CSNK2A2IP: variants seen among roughly 807,000 people sequenced by gnomAD.
The protein encoded by CSNK2A2IP is casein kinase II subunit alpha'-interacting protein.
chr3:88,453,059 T>A, the CSNK2A2IP span, among the ~76,000 whole-genome samples: 2 of 152,082 alleles, frequency 1.3e-5, no homozygotes, highest in South Asian at 2.1e-4. Context: ...AGGCAGAAAT[T>A]TCGGGTACTT....
At chr3:88,462,917 C>T in the CSNK2A2IP span, among the ~76,000 whole-genome samples, 1 of 152,066 alleles carries the variant, frequency 6.6e-6, no homozygotes, top group Non-Finnish European at 1.5e-5. Flanking sequence ...TGATATGTAA[C>T]TAATATTGTT....
chr3:88,373,739 A>G, the CSNK2A2IP span, among the ~76,000 whole-genome samples: 3 of 151,528 alleles, frequency 2.0e-5, no homozygotes, highest in Middle Eastern at 6.8e-3. Context: ...AAAAAACTTG[A>G]TAACTTGACA....
chr3:88,359,353 T>A, the CSNK2A2IP span, among the ~76,000 whole-genome samples: 1 of 151,878 alleles, frequency 6.6e-6, no homozygotes, highest in African/African-American at 2.4e-5. Flanking sequence ...TTTGTATTTT[T>A]TTGGTTTTGA....
chr3:88,467,210 C>T, the CSNK2A2IP span: 4 of 400,984 alleles, frequency 1.0e-5, no homozygotes, highest in Non-Finnish European at 1.8e-5. Context: ...TCCTCCACTT[C>T]CTCCTCCTCC....
the CSNK2A2IP span, among the ~76,000 whole-genome samples, chr3:88,464,338 A>G: frequency 2.7e-5 from 4 of 150,680 alleles, no homozygotes; most frequent in Non-Finnish European, 5.9e-5. Flanking sequence ...AAATATATCT[A>G]TATATATAAA....
chr3:88,370,610 C>CTCTCTTTCTTTCTT, the CSNK2A2IP span, among the ~76,000 whole-genome samples: 2 of 148,150 alleles, frequency 1.3e-5, no homozygotes, highest in East Asian at 4.1e-4. Flanking sequence ...CTCTCTCTCT[C>CTCTCTTTCTTTCTT]TCTTTCTTTC....
the CSNK2A2IP span, among the ~76,000 whole-genome samples, chr3:88,409,072 G>A: frequency 2.0e-5 from 3 of 151,964 alleles, 1 homozygote; most frequent in African/African-American, 4.8e-5. Context: ...GTATTTGCAC[G>A]AAAACTAGTG....
chr3:88,415,281 A>G, the CSNK2A2IP span, among the ~76,000 whole-genome samples: 2 of 152,062 alleles, frequency 1.3e-5, 1 homozygote, highest in African/African-American at 4.8e-5. Context: ...TTCCCAATGC[A>G]GAGTATTAAG....
chr3:88,360,961 ACAAG>A, the CSNK2A2IP span, among the ~76,000 whole-genome samples: 5 of 152,220 alleles, frequency 3.3e-5, no homozygotes, highest in Admixed American at 2.0e-4. Context: ...CAACAAAAAA[ACAAG>A]CAAAGAGAAA....
At chr3:88,357,150 T>C in the CSNK2A2IP span, among the ~76,000 whole-genome samples, 2 of 152,148 alleles carry the variant, frequency 1.3e-5, no homozygotes, top group African/African-American at 4.8e-5. Flanking sequence ...TTTATTTGCC[T>C]GTGTTTTTGA....
At chr3:88,412,975 T>C in the CSNK2A2IP span, among the ~76,000 whole-genome samples, 26 of 152,060 alleles carry the variant, frequency 1.7e-4, no homozygotes, top group Non-Finnish European at 3.4e-4. Flanking sequence ...CATGATATGG[T>C]GCAAGGGTTA....
the CSNK2A2IP span, among the ~76,000 whole-genome samples, chr3:88,406,548 T>C: frequency 6.6e-6 from 1 of 152,188 alleles, no homozygotes; most frequent in Non-Finnish European, 1.5e-5. Context: ...GATCAGATCT[T>C]AGGGAATGCT....
the CSNK2A2IP span, among the ~76,000 whole-genome samples, chr3:88,375,087 T>C: frequency 3.3e-5 from 5 of 151,740 alleles, no homozygotes; most frequent in African/African-American, 1.2e-4. Context: ...TAATTCTCTA[T>C]TCTAGTATTC....
chr3:88,442,762 TA>T, the CSNK2A2IP span, among the ~76,000 whole-genome samples: 2,099 of 149,300 alleles, frequency 0.014, 39 homozygotes, highest in African/African-American at 0.049. Flanking sequence ...TAATCTAGAT[TA>T]AAAAAAAAAT....
the CSNK2A2IP span, among the ~76,000 whole-genome samples, chr3:88,411,027 A>T: frequency 3.4e-3 from 519 of 152,072 alleles, 6 homozygotes; most frequent in African/African-American, 0.011. Flanking sequence ...TTAGCTTTTT[A>T]CCTTTAAATT....
chr3:88,366,327 A>G, the CSNK2A2IP span, among the ~76,000 whole-genome samples: 54 of 152,308 alleles, frequency 3.5e-4, no homozygotes. Flanking sequence ...CCACAGTTGT[A>G]TATGGGTATC....
At chr3:88,446,055 TTTCTTTC>T in the CSNK2A2IP span, among the ~76,000 whole-genome samples, 30 of 123,094 alleles carry the variant, frequency 2.4e-4, no homozygotes, top group African/African-American at 9.1e-4. Flanking sequence ...TCTTTCTTTC[TTTCTTTC>T]TTTCTTTCTT....
the CSNK2A2IP span, among the ~76,000 whole-genome samples, chr3:88,455,785 T>G: frequency 1.3e-5 from 2 of 151,976 alleles, no homozygotes; most frequent in African/African-American, 4.8e-5. Context: ...AAAACTAACA[T>G]CATGGAGATT....
chr3:88,418,463 T>TGTGTGC, the CSNK2A2IP span, among the ~76,000 whole-genome samples: 21 of 149,632 alleles, frequency 1.4e-4, no homozygotes, highest in Middle Eastern at 6.8e-3. Flanking sequence ...TGTGTGTGTG[T>TGTGTGC]GCGCGCGGGC....
Sources: gnomAD v4.1 joint callset for allele counts (sites outside exome capture counted in the v4.1 genomes callset) on GRCh38, gnomAD v4.1.1 for gene constraint, MANE v1.5 for transcripts, NCBI Gene and HGNC (gene_info 2026-07-23, HGNC 2026-07-21) for gene names.